MAST4: variants seen among roughly 807,000 people sequenced by gnomAD.
MAST4 encodes the protein microtubule associated serine/threonine kinase family member 4.
Under a neutral mutation model 162.7 loss-of-function variants are expected in MAST4, and 89 were observed. The ratio of observed to expected loss-of-function variants is 0.55; its 90% CI spans 0.46 to 0.65. The LOEUF (loss-of-function observed/expected upper bound fraction) is 0.65. MAST4 is among the 30% of genes least tolerant of loss of function. The pLI, the probability that MAST4 is intolerant of heterozygous loss-of-function variation, is 0.00. For synonymous variants in MAST4, 1,479 were observed against 1,361.1 expected (o/e 1.09, Z -1.91); for missense variants, 3,153 against 3,374.0 (o/e 0.93, Z 1.62).
chr5:66,632,297 A>G (rs1362294538), intron 1 of MAST4, among the ~76,000 whole-genome samples: 1 of 152,178 alleles, frequency 6.6e-6, no homozygotes, highest in African/African-American at 2.4e-5. Flanking sequence ...CTGGAGTGGT[A>G]GAAATCTGGG....
At chr5:66,660,187 G>A (rs1746811935) in intron 1 of MAST4, among the ~76,000 whole-genome samples, 1 of 152,156 alleles carries the variant, frequency 6.6e-6, no homozygotes, top group African/African-American at 2.4e-5. Flanking sequence ...TCAGGAGTTC[G>A]AGACCAGCCT....
rs545380975 is a variant in MAST4 at position 66,817,772 on chromosome 5, AT to A, written c.642+28979del. 4.9e-4 allele frequency among the ~76,000 whole-genome samples: 75 copies of A among 152,318 alleles called. 2 individuals carry two copies. Among genetic ancestry groups the A allele is most frequent in the African/African-American group, 1.8e-3 (74 of 41,586 alleles). Reference sequence around the variant, plus strand: ...GTGAAACACATTGTGCATTAATGATATCATTAAGATTAATGAATATAAATGA... The same window carrying A: ...GTGAAACACATTGTGCATTAATGATACATTAAGATTAATGAATATAAATGA... On this transcript the variant is annotated intron_variant, in intron 3 of 28. Transcript: ENST00000403625.
At position 67,075,712 on chromosome 5, in the gene MAST4, A is replaced by G. The variant is rs545744902; in HGVS notation, c.764-14450A>G. ...CAAAATTTTGTTTTGCTGTAACTAT[A>G]TGTCATAAAATATAAAAGCTAAGCA... On this transcript the variant is annotated intron_variant, in intron 5 of 28. Transcript: ENST00000403625. Among the ~76,000 whole-genome samples the G allele has an allele frequency of 1.1e-4, 16 of 152,294 alleles. No homozygotes were observed. In the East Asian group the frequency reaches 3.1e-3, roughly 29 times the overall value.
At chr5:66,878,346 C>A (rs1761445362) in intron 3 of MAST4, among the ~76,000 whole-genome samples, 1 of 152,174 alleles carries the variant, frequency 6.6e-6, no homozygotes, top group Non-Finnish European at 1.5e-5. Context: ...TTCAAATGGC[C>A]AATTCTGTGT....
intron 1 of MAST4, among the ~76,000 whole-genome samples, chr5:66,672,230 A>T (rs1272668879): frequency 1.3e-5 from 2 of 152,216 alleles, no homozygotes; most frequent in African/African-American, 4.8e-5. Context: ...TATATGCATA[A>T]CCTTCCTCGC....
At chr5:66,722,446 G>T (rs1580293516) in intron 1 of MAST4, among the ~76,000 whole-genome samples, 1 of 133,936 alleles carries the variant, frequency 7.5e-6, no homozygotes, top group Admixed American at 7.6e-5. Context: ...CATTTACCTG[G>T]TTCTGGGTTT....
chr5:66,868,580 A>C (rs1040579160), intron 3 of MAST4, among the ~76,000 whole-genome samples: 3 of 151,580 alleles, frequency 2.0e-5, no homozygotes, highest in African/African-American at 4.9e-5. Flanking sequence ...ATGGAGAAAA[A>C]CTTGTGGTGA....
chr5:66,835,259 A>C (rs939542753), intron 3 of MAST4, among the ~76,000 whole-genome samples: 1 of 152,108 alleles, frequency 6.6e-6, no homozygotes, highest in African/African-American at 2.4e-5. Flanking sequence ...GCACTAAAAA[A>C]TTTCTCCCTC....
intron 6 of MAST4, 120 bp downstream of exon 6, chr5:67,090,351 T>G: frequency 2.8e-6 from 1 of 359,686 alleles, no homozygotes. Flanking sequence ...CCCTCCCCAC[T>G]TCCCCTTCCC....
In MAST4 at chr5:67,164,246, C is replaced by G; in HGVS notation, c.5067C>G (p.Leu1689=). The change falls in exon 29 of 29, where the codon CTC becomes CTG. Residue 1689 remains leucine, a synonymous_variant. Coordinates refer to ENST00000403625, the MANE Select transcript of MAST4 (RefSeq NM_001164664.2). This position sits in a 1 kb window ranked among gnomAD's most constrained non-coding sequence, Gnocchi z 5.3. ...GCAAGCTGGCCAACATCGATTACCT[C>G]CGAAAGAAAATGTCACTTGAGGACA... ...LDSKLANIDY[L]RKKMSLEDKE... 6.2e-7 allele frequency: 1 copy of G among 1,614,002 alleles called. No individual in the cohort carries two copies. Among genetic ancestry groups the G allele is most frequent in the Non-Finnish European group, 8.5e-7 (1 of 1,179,878 alleles).
chr5:67,154,506 T>C lies in MAST4; in HGVS notation c.3648+926T>C, dbSNP rs143640792. Among the ~76,000 whole-genome samples, 9 of 152,364 alleles carry C rather than the reference T, an allele frequency of 5.9e-5. No individual in the cohort carries two copies. In the East Asian group the frequency reaches 9.6e-4, roughly 16 times the overall value. On this transcript the variant is annotated intron_variant, in intron 26 of 28. Transcript: ENST00000403625. ...TGTATTTTAAAACTTCTCTTCCTGC[T>C]TCTATGAAATTTGAATGTGTATTTC...
intron 4 of MAST4, among the ~76,000 whole-genome samples, chr5:66,984,288 G>A: frequency 6.6e-6 from 1 of 152,178 alleles, no homozygotes. Flanking sequence ...AGCCTCCCAA[G>A]TAAAGAGGCC....
chr5:66,881,643 A>T (rs1165245402), intron 3 of MAST4, among the ~76,000 whole-genome samples: 2 of 152,214 alleles, frequency 1.3e-5, no homozygotes. Flanking sequence ...GACTTGTGTA[A>T]CAGGAAATTT....
At chr5:66,789,830 A>G (rs1755304350) in intron 3 of MAST4, 4 of 500,306 alleles carry the variant, frequency 8.0e-6, no homozygotes, top group Non-Finnish European at 1.6e-5. Flanking sequence ...GAATCCATTG[A>G]TGATTCTTGC....
At position 67,078,929 on chromosome 5, in the gene MAST4, TA is replaced by T. The variant is rs1391493953; in HGVS notation, c.764-11232del. 8.8e-4 allele frequency among the ~76,000 whole-genome samples: 59 copies of T among 67,194 alleles called. 4 individuals are homozygous for T. Among genetic ancestry groups the T allele is most frequent in the African/African-American group, 4.6e-3 (55 of 11,898 alleles). 44.1% of individuals were successfully genotyped at this position (67,194 alleles called of 152,430 possible). On this transcript the variant is annotated intron_variant, in intron 5 of 28. Transcript: ENST00000403625. ...TTATATAAATATATATATATATATA[TA>T]TATATATATATATATATATATGGCA...
chr5:66,794,465 GT>G (rs1228577049), intron 3 of MAST4, among the ~76,000 whole-genome samples: 1 of 152,188 alleles, frequency 6.6e-6, no homozygotes, highest in Non-Finnish European at 1.5e-5. Context: ...TGTTCTTGGG[GT>G]TGGTAGAAAA....
intron 4 of MAST4, among the ~76,000 whole-genome samples, chr5:67,035,449 G>A (rs1300689668): frequency 6.6e-6 from 1 of 152,180 alleles, no homozygotes; most frequent in Non-Finnish European, 1.5e-5. Context: ...GTTAGGGCTG[G>A]CTGGTACTTC....
At chr5:66,718,466 G>C (rs1221002666) in intron 1 of MAST4, among the ~76,000 whole-genome samples, 1 of 152,108 alleles carries the variant, frequency 6.6e-6, no homozygotes, top group Non-Finnish European at 1.5e-5. Context: ...GCTGATATGA[G>C]AGTGAGTGTG....
intron 3 of MAST4, among the ~76,000 whole-genome samples, chr5:66,843,811 C>T (rs950971081): frequency 1.3e-5 from 2 of 152,148 alleles, no homozygotes; most frequent in Admixed American, 1.3e-4. Context: ...TTTTGATACA[C>T]AGCCAGGGTA....
Sources: gnomAD v4.1 joint callset for allele counts (sites outside exome capture counted in the v4.1 genomes callset) on GRCh38, gnomAD v4.1.1 for gene constraint, Gnocchi (gnomAD v3.1) non-coding constraint, MANE v1.5 for transcripts, NCBI Gene and HGNC (gene_info 2026-07-23, HGNC 2026-07-21) for gene names.